Variants in LUZP2 observed in about 807,000 individuals in gnomAD.
The protein encoded by LUZP2 is leucine zipper protein 2.
A neutral mutation model predicts 51.6 loss-of-function variants in LUZP2; 52 were observed. That is an observed-to-expected ratio of 1.01 (90% confidence interval 0.81 to 1.27). The LOEUF is 1.27. LUZP2 is among the 50% of genes most tolerant of loss of function. The pLI is 0.00. For synonymous variants in LUZP2, 154 were observed against 137.3 expected (o/e 1.12, Z -0.85); for missense variants, 436 against 395.4 (o/e 1.10, Z -0.87).
intron 1 of LUZP2, among the ~76,000 whole-genome samples, chr11:24,640,670 T>C (rs1298453514): frequency 1.3e-5 from 2 of 151,890 alleles, no homozygotes; most frequent in Non-Finnish European, 2.9e-5. Flanking sequence ...AATGGTAGGA[T>C]TGCCAGCTCA....
At chr11:24,699,776 A>T (rs1438293544) in intron 1 of LUZP2, among the ~76,000 whole-genome samples, 2 of 148,768 alleles carry the variant, frequency 1.3e-5, no homozygotes, top group Non-Finnish European at 3.0e-5. Flanking sequence ...TCTCATATAT[A>T]AATATATAAT....
chr11:24,755,122 G>A (rs1859726115), intron 4 of LUZP2, among the ~76,000 whole-genome samples: 3 of 151,782 alleles, frequency 2.0e-5, no homozygotes, highest in Admixed American at 2.0e-4. Flanking sequence ...TCCAGTCTGG[G>A]TGACAAGAGC....
chr11:24,788,536 G>C (rs1207391035), intron 5 of LUZP2, among the ~76,000 whole-genome samples: 1 of 151,986 alleles, frequency 6.6e-6, no homozygotes, highest in Non-Finnish European at 1.5e-5. Flanking sequence ...TGAAAATTCT[G>C]CCTTGCCTTC....
At chr11:24,510,640 C>A (rs887526623) in intron 1 of LUZP2, among the ~76,000 whole-genome samples, 10 of 152,162 alleles carry the variant, frequency 6.6e-5, no homozygotes, top group African/African-American at 1.9e-4. Context: ...CTTCATCAAC[C>A]CTTACTCTGT....
intron 7 of LUZP2, among the ~76,000 whole-genome samples, chr11:24,975,906 T>C (rs1855869019): frequency 6.6e-6 from 1 of 151,958 alleles, no homozygotes. Flanking sequence ...TGGGCTGTCA[T>C]AACAAAATAC....
chr11:25,067,992 A>G (rs1859045565), intron 10 of LUZP2, among the ~76,000 whole-genome samples: 1 of 152,120 alleles, frequency 6.6e-6, no homozygotes, highest in South Asian at 2.1e-4. Context: ...GCCATAAAAA[A>G]GGATGAGTTC....
At chr11:24,583,111 T>A (rs1852932324) in intron 1 of LUZP2, among the ~76,000 whole-genome samples, 1 of 152,182 alleles carries the variant, frequency 6.6e-6, no homozygotes, top group African/African-American at 2.4e-5. Flanking sequence ...TATGTATAGT[T>A]TTTGTAATGA....
intron 5 of LUZP2, among the ~76,000 whole-genome samples, chr11:24,788,204 T>G (rs1590528071): frequency 1.1e-5 from 1 of 88,126 alleles, no homozygotes. Context: ...TTTTTTTTTT[T>G]TCTGAGACTG....
chr11:24,815,199 AATCT>A (rs1850144014), intron 5 of LUZP2, among the ~76,000 whole-genome samples: 2 of 152,198 alleles, frequency 1.3e-5, no homozygotes, highest in Admixed American at 6.6e-5. Context: ...CCTATAAATG[AATCT>A]ATATCATTAT....
intron 1 of LUZP2, among the ~76,000 whole-genome samples, chr11:24,695,589 T>A (rs1202655742): frequency 6.6e-6 from 1 of 152,066 alleles, no homozygotes; most frequent in African/African-American, 2.4e-5. Flanking sequence ...GTAATTTTTT[T>A]ACTCATTTTC....
At chr11:24,700,160 C>G (rs2133907854) in intron 1 of LUZP2, among the ~76,000 whole-genome samples, 1 of 144,002 alleles carries the variant, frequency 6.9e-6, no homozygotes, top group Middle Eastern at 4.4e-3. Flanking sequence ...CTCCCAGATT[C>G]AAGCAAGTCT....
At chr11:25,040,658 A>G (rs1428065011) in intron 9 of LUZP2, among the ~76,000 whole-genome samples, 1 of 152,146 alleles carries the variant, frequency 6.6e-6, no homozygotes, top group Non-Finnish European at 1.5e-5. Flanking sequence ...CAGTTGCAAT[A>G]TCCCAAGAGT....
intron 1 of LUZP2, among the ~76,000 whole-genome samples, chr11:24,497,909 G>A (rs1487799413): frequency 6.6e-6 from 1 of 152,206 alleles, no homozygotes; most frequent in Non-Finnish European, 1.5e-5. Context: ...GCGATTAAAA[G>A]TTAGAAGACA....
chr11:25,027,648 G>T (rs1857530976), intron 9 of LUZP2, among the ~76,000 whole-genome samples: 1 of 152,000 alleles, frequency 6.6e-6, no homozygotes, highest in South Asian at 2.1e-4. Context: ...AAAGCAGGTG[G>T]ATCACGAAGT....
intron 1 of LUZP2, among the ~76,000 whole-genome samples, chr11:24,550,320 A>G (rs1851688481): frequency 6.6e-6 from 1 of 152,138 alleles, no homozygotes; most frequent in African/African-American, 2.4e-5. Flanking sequence ...ACATTGTATC[A>G]TGGTTTAATG....
intron 1 of LUZP2, among the ~76,000 whole-genome samples, chr11:24,627,730 G>C (rs7124780): frequency 0.21 from 31,789 of 152,008 alleles, 3,642 homozygotes; most frequent in African/African-American, 0.29. Context: ...AGTGTTTGAA[G>C]CTGCAGGCCT....
intron 9 of LUZP2, among the ~76,000 whole-genome samples, chr11:25,032,821 T>C (rs576179793): frequency 6.6e-6 from 1 of 152,328 alleles, no homozygotes; most frequent in South Asian, 2.1e-4. Flanking sequence ...ACATTCATTG[T>C]TGATAATTGT....
intron 5 of LUZP2, among the ~76,000 whole-genome samples, chr11:24,813,486 CAA>C (rs1382339425): frequency 6.6e-6 from 1 of 151,902 alleles, no homozygotes; most frequent in Non-Finnish European, 1.5e-5. Context: ...AAGAATGGAG[CAA>C]GAGAGAGAGA....
chr11:24,600,334 C>A (rs1433994620), intron 1 of LUZP2, among the ~76,000 whole-genome samples: 1 of 152,018 alleles, frequency 6.6e-6, no homozygotes, highest in Admixed American at 6.6e-5. Flanking sequence ...CCAAGGAATG[C>A]TGGCCACCAC....
Sources: gnomAD v4.1 joint callset for allele counts (sites outside exome capture counted in the v4.1 genomes callset) on GRCh38, gnomAD v4.1.1 for gene constraint, MANE v1.5 for transcripts, NCBI Gene and HGNC (gene_info 2026-07-23, HGNC 2026-07-21) for gene names.